TRABD2B: variants seen among roughly 807,000 people sequenced by gnomAD.
TRABD2B encodes the protein TraB domain containing 2B.
In TRABD2B, 14 loss-of-function variants were observed where a neutral mutation model predicts 40.1. That is an observed-to-expected ratio of 0.35 (90% CI 0.23 to 0.55). The LOEUF is 0.55. Ranked by LOEUF, TRABD2B falls within the 20% of genes least tolerant of loss-of-function variation. The pLI is 0.90. For missense variants in TRABD2B, 541 were observed against 648.6 expected (o/e 0.83, Z 1.80); for synonymous variants, 263 against 277.0 (o/e 0.95, Z 0.50).
At chr1:47,916,353 G>T (rs1162613529) in intron 2 of TRABD2B, among the ~76,000 whole-genome samples, 1 of 152,168 alleles carries the variant, frequency 6.6e-6, no homozygotes, top group African/African-American at 2.4e-5. Context: ...CACAAAGATG[G>T]ATCAAACATG....
chr1:47,959,917 G>C (rs1438417685), intron 2 of TRABD2B, among the ~76,000 whole-genome samples: 1 of 152,046 alleles, frequency 6.6e-6, no homozygotes. Context: ...CAAAAAAAGA[G>C]AATTTTAGAC....
intron 2 of TRABD2B, among the ~76,000 whole-genome samples, chr1:47,839,360 C>CCA (rs149977113): frequency 7.9e-5 from 12 of 151,828 alleles, no homozygotes; most frequent in South Asian, 4.2e-4. Flanking sequence ...CTCACTCCCA[C>CCA]CACACACACA....
chr1:47,788,085 C>T (rs1049776775), intron 4 of TRABD2B, among the ~76,000 whole-genome samples: 2 of 152,144 alleles, frequency 1.3e-5, no homozygotes, highest in African/African-American at 2.4e-5. Context: ...CCCATCTGTA[C>T]TTGGATTTAC....
Position 47,933,307 on chromosome 1 carries a change from T to C in TRABD2B, c.666+60727A>G, listed in dbSNP as rs544012691. Among the ~76,000 whole-genome samples the C allele has an allele frequency of 2.9e-3, 438 of 150,018 alleles. 2 individuals carry two copies. The highest frequency in any genetic ancestry group is 4.6e-3 in the Non-Finnish European group (313 of 67,470). On this transcript the variant is annotated intron_variant, in intron 2 of 6. Transcript: ENST00000606738. ...TTGTATTTTTTTAGTAGAGACGGGG[T>C]TTCAACATATTAGCCAGGATGATCT...
At chr1:47,972,274 G>A (rs1645692299) in intron 2 of TRABD2B, among the ~76,000 whole-genome samples, 1 of 152,194 alleles carries the variant, frequency 6.6e-6, no homozygotes, top group Admixed American at 6.5e-5. Flanking sequence ...ATTCTGGCCT[G>A]AGAGTCCCTC....
intron 2 of TRABD2B, among the ~76,000 whole-genome samples, chr1:47,881,245 G>T (rs2124625008): frequency 6.6e-6 from 1 of 152,302 alleles, no homozygotes; most frequent in African/African-American, 2.4e-5. Context: ...GGTCCATGCA[G>T]GCTTGCTGTG....
chr1:47,820,572 G>T (rs1645092247), intron 2 of TRABD2B, among the ~76,000 whole-genome samples: 1 of 152,160 alleles, frequency 6.6e-6, no homozygotes, highest in Admixed American at 6.5e-5. Flanking sequence ...GGTGGGCAGG[G>T]CTAGGGCCCC....
intron 2 of TRABD2B, among the ~76,000 whole-genome samples, chr1:47,983,745 T>C (rs917409246): frequency 3.4e-5 from 3 of 89,098 alleles, no homozygotes; most frequent in African/African-American, 1.5e-4. Context: ...GTAACCACAC[T>C]GGCAAAAAAA....
intron 2 of TRABD2B, among the ~76,000 whole-genome samples, chr1:47,918,807 A>C (rs1288991205): frequency 6.6e-6 from 1 of 152,188 alleles, no homozygotes; most frequent in Admixed American, 6.5e-5. Flanking sequence ...AGAGGTAAAC[A>C]TATCCAAGAA....
chr1:47,922,194 A>G (rs1644911833), intron 2 of TRABD2B, among the ~76,000 whole-genome samples: 1 of 151,798 alleles, frequency 6.6e-6, no homozygotes, highest in Admixed American at 6.6e-5. Context: ...GGCCTGGGGG[A>G]GAGGGATCCA....
chr1:47,793,599 G>C (rs1352711194), intron 4 of TRABD2B, among the ~76,000 whole-genome samples: 1 of 152,224 alleles, frequency 6.6e-6, no homozygotes, highest in East Asian at 1.9e-4. Context: ...ATGTCCAGGA[G>C]CCATCTCATT....
chr1:47,860,406 CTT>C (rs372558703), intron 2 of TRABD2B, among the ~76,000 whole-genome samples: 179 of 152,296 alleles, frequency 1.2e-3, no homozygotes, highest in African/African-American at 3.8e-3. Context: ...TCCTCCTTCT[CTT>C]TGTCTCTTAA....
intron 2 of TRABD2B, among the ~76,000 whole-genome samples, chr1:47,962,856 G>A (rs981334704): frequency 2.0e-5 from 3 of 152,194 alleles, no homozygotes; most frequent in Non-Finnish European, 4.4e-5. Context: ...GGCTCTTGGT[G>A]AGGACAAGCC....
chr1:47,932,292 T>C (rs773558505), intron 2 of TRABD2B, among the ~76,000 whole-genome samples: 1 of 152,094 alleles, frequency 6.6e-6, no homozygotes, highest in Non-Finnish European at 1.5e-5. Context: ...CCCTGGAGTA[T>C]AGCTACAGAA....
At chr1:47,939,981 A>G (rs540077862) in intron 2 of TRABD2B, among the ~76,000 whole-genome samples, 1 of 152,264 alleles carries the variant, frequency 6.6e-6, no homozygotes, top group Admixed American at 6.5e-5. Context: ...ATGCCCCAGG[A>G]AACACTCTAT....
chr1:47,924,945 C>T (rs990826861), intron 2 of TRABD2B, among the ~76,000 whole-genome samples: 5 of 152,160 alleles, frequency 3.3e-5, no homozygotes, highest in Non-Finnish European at 5.9e-5. Context: ...CCAGAGGCAG[C>T]GCTTGGCTCA....
At chr1:47,971,814 C>A (rs758585723) in intron 2 of TRABD2B, among the ~76,000 whole-genome samples, 6 of 152,118 alleles carry the variant, frequency 3.9e-5, no homozygotes, top group Non-Finnish European at 8.8e-5. Flanking sequence ...CTTTCCATTC[C>A]CACCACCCCT....
intron 2 of TRABD2B, among the ~76,000 whole-genome samples, chr1:47,938,893 T>A (rs1490956304): frequency 4.0e-5 from 6 of 151,266 alleles, no homozygotes; most frequent in Non-Finnish European, 8.8e-5. Context: ...TTTAATGGGT[T>A]CTGAATCTCA....
rs1282940323 is a variant in TRABD2B, at chr1:47,940,683, G to A, written c.666+53351C>T. On this transcript the variant is annotated intron_variant, in intron 2 of 6. Transcript: ENST00000606738. The stretch of plus-strand genomic sequence containing the variant: ...GTGCTCTGTCCCCATCTGCCAGGGG[G>A]GCTTGCTGGACAGGACCTTGCCATC... 2.0e-5 allele frequency among the ~76,000 whole-genome samples: 3 copies of A among 152,202 alleles called. No individual in the cohort carries two copies. In the East Asian group the frequency reaches 5.8e-4, roughly 29 times the overall value.
Sources: gnomAD v4.1 joint callset for allele counts (sites outside exome capture counted in the v4.1 genomes callset) on GRCh38, gnomAD v4.1.1 for gene constraint, MANE v1.5 for transcripts, NCBI Gene and HGNC (gene_info 2026-07-23, HGNC 2026-07-21) for gene names.